CACNA1S: variants seen among roughly 807,000 people sequenced by gnomAD.
CACNA1S encodes the protein voltage-dependent L-type calcium channel subunit alpha-1S.
CACNA1S carries 126 observed loss-of-function variants against 207.4 expected under a neutral mutation model. That is an observed-to-expected ratio of 0.61 (90% CI 0.53 to 0.70). CACNA1S has a LOEUF of 0.70. Ranked by LOEUF, CACNA1S falls within the 30% of genes least tolerant of loss-of-function variation. CACNA1S has a pLI of 0.00. For missense variants in CACNA1S, 2,349 were observed against 2,422.8 expected (o/e 0.97, Z 0.64); for synonymous variants, 960 against 932.7 (o/e 1.03, Z -0.53).
chr1:201,097,831 T>A (rs1032465824), intron 2 of CACNA1S, among the ~76,000 whole-genome samples: 1 of 152,192 alleles, frequency 6.6e-6, no homozygotes, highest in South Asian at 2.1e-4. Context: ...GTGATTCTGA[T>A]GCCCTTCCCT....
At chr1:201,106,612 C>G (rs777377231) in intron 2 of CACNA1S, among the ~76,000 whole-genome samples, 3 of 152,180 alleles carry the variant, frequency 2.0e-5, no homozygotes, top group Non-Finnish European at 4.4e-5. Context: ...GCCCCTTTCT[C>G]AGCCTACTGT....
intron 5 of CACNA1S, 81 bp downstream of exon 5, chr1:201,091,559 C>T (rs1572061991): frequency 2.6e-6 from 4 of 1,511,458 alleles, no homozygotes; most frequent in Non-Finnish European, 3.7e-6. Context: ...GAGCTCCGGG[C>T]TCCTTCACCA....
intron 19 of CACNA1S, among the ~76,000 whole-genome samples, chr1:201,068,809 T>A (rs1379132303): frequency 6.6e-6 from 1 of 151,732 alleles, no homozygotes; most frequent in Non-Finnish European, 1.5e-5. Flanking sequence ...GAGGTGGAGG[T>A]TGCAGTGAGC....
intron 5 of CACNA1S, among the ~76,000 whole-genome samples, chr1:201,090,034 A>G (rs530555782): frequency 1.4e-4 from 21 of 152,332 alleles, no homozygotes; most frequent in African/African-American, 4.6e-4. Context: ...TTCTGATGAC[A>G]TCCTGCATCT....
chr1:201,044,932 G>T (rs1446574655), intron 38 of CACNA1S, among the ~76,000 whole-genome samples: 1 of 152,160 alleles, frequency 6.6e-6, no homozygotes, highest in African/African-American at 2.4e-5. Context: ...AGGCCACCAG[G>T]TCCTGCTCTG....
rs764407963 is a variant in CACNA1S at position 201,070,369 on chromosome 1, T to C, written c.2263A>G (p.Ser755Gly). ...TCAGCCAGGGGACGTGGTCGGGGGCTCAGCGGGATCTCAGGCTCATCTTCC... is the reference window on the plus strand; with the variant it reads ...TCAGCCAGGGGACGTGGTCGGGGGCCCAGCGGGATCTCAGGCTCATCTTCC... Reference protein sequence around the residue: ...DEEDEPEIPLSPRPRPLAELQ... With the variant: ...DEEDEPEIPLGPRPRPLAELQ... The change falls in exon 17 of 44, where the codon AGC becomes GGC. Residue 755 changes from serine (S) to glycine (G), a missense_variant. By Grantham distance (56) the Ser-to-Gly change is moderately conservative. Transcript: ENST00000362061. 1 of 1,614,062 alleles carries C rather than the reference T, an allele frequency of 6.2e-7. No homozygotes were observed. The highest frequency in any genetic ancestry group is 1.7e-5 in the Admixed American group (1 of 60,020).
Position 201,069,161 on chromosome 1 carries a change from G to A in CACNA1S, c.2526C>T (p.Val842=). 6.2e-7 allele frequency: 1 copy of A among 1,614,192 alleles called. No individual in the cohort carries two copies. Among genetic ancestry groups the A allele is most frequent in the Non-Finnish European group, 8.5e-7 (1 of 1,180,022 alleles). The change falls in exon 19 of 44, where the codon GTC becomes GTT. Residue 842 remains valine (V), a synonymous_variant. Coordinates refer to ENST00000362061, the MANE Select transcript of CACNA1S (RefSeq NM_000069.3). ...CCTTGAGGACAATCTCCACAGTGAAGACAGAGGTGAACCCGATGTCAAAGT... is the reference window on the plus strand; with the variant it reads ...CCTTGAGGACAATCTCCACAGTGAAAACAGAGGTGAACCCGATGTCAAAGT... The part of the protein sequence containing the change: ...LKHFDIGFTS[V]FTVEIVLKMT...
chr1:201,109,366 T>C (rs182939974), intron 2 of CACNA1S, among the ~76,000 whole-genome samples: 12 of 152,356 alleles, frequency 7.9e-5, no homozygotes, highest in Admixed American at 7.8e-4. Flanking sequence ...GTCTCCTTTG[T>C]CTTTTAAATG....
intron 39 of CACNA1S, among the ~76,000 whole-genome samples, chr1:201,043,829 T>C (rs1660382312): frequency 6.6e-6 from 1 of 152,078 alleles, no homozygotes; most frequent in South Asian, 2.1e-4. Flanking sequence ...CAGCACTGGG[T>C]TCTAGTCCCC....
At chr1:201,081,446 C>T (rs1414064372) in intron 10 of CACNA1S, among the ~76,000 whole-genome samples, 1 of 152,228 alleles carries the variant, frequency 6.6e-6, no homozygotes, top group Non-Finnish European at 1.5e-5. Flanking sequence ...TCCTACTCGT[C>T]TCACGGTCCA....
intron 2 of CACNA1S, among the ~76,000 whole-genome samples, chr1:201,096,563 C>T (rs1172650865): frequency 1.3e-5 from 2 of 152,328 alleles, no homozygotes; most frequent in East Asian, 1.9e-4. Flanking sequence ...CTGTGACACC[C>T]CCAAGCATCC....
At position 201,089,324 on chromosome 1, in the gene CACNA1S, G is replaced by C. The variant is rs148625301; in HGVS notation, c.834C>G (p.Phe278Leu). Residue 278 changes from phenylalanine (F) to leucine (L), a missense_variant, in exon 6 of 44, where the codon TTC becomes TTG. By Grantham distance (22) the Phe-to-Leu change is conservative. Coordinates refer to ENST00000362061, the MANE Select transcript of CACNA1S (RefSeq NM_000069.3). ...PNHGITHFDN[F>L]GFSMLTVYQC... The stretch of plus-strand genomic sequence containing the variant: ...GGTACACGGTGAGCATGGAGAAGCC[G>C]AAGTTGTCGAAGTGGGTGATGCCAT... 1 of 1,614,266 alleles carries C rather than the reference G, an allele frequency of 6.2e-7. No homozygotes were observed. Among genetic ancestry groups the C allele is most frequent in the Non-Finnish European group, 8.5e-7 (1 of 1,180,058 alleles).
At chr1:201,100,197 C>A (rs939063855) in intron 2 of CACNA1S, among the ~76,000 whole-genome samples, 1 of 152,252 alleles carries the variant, frequency 6.6e-6, no homozygotes, top group Non-Finnish European at 1.5e-5. Context: ...TTGCACACCT[C>A]AGTTGTGGAC....
At chr1:201,058,847 G>A (rs1558061016) in intron 27 of CACNA1S, among the ~76,000 whole-genome samples, 1 of 152,210 alleles carries the variant, frequency 6.6e-6, no homozygotes, top group Non-Finnish European at 1.5e-5. Flanking sequence ...TGACAGGGCT[G>A]TGCTGGGAAC....
chr1:201,047,498 A>G (rs747915997), intron 37 of CACNA1S, 27 bp downstream of exon 37: 1 of 1,576,326 alleles, frequency 6.3e-7, no homozygotes, highest in South Asian at 1.1e-5. Flanking sequence ...CTGCTTCTGG[A>G]CTCTGGTCCC....
intron 32 of CACNA1S, 149 bp from the exon 33 acceptor site, chr1:201,051,292 T>C: frequency 1.4e-6 from 1 of 739,958 alleles, no homozygotes. Context: ...GTTCACTGTG[T>C]AGCTCAGTGT....
chr1:201,092,845 A>G (rs1662288305), intron 3 of CACNA1S, among the ~76,000 whole-genome samples: 1 of 152,200 alleles, frequency 6.6e-6, no homozygotes, highest in South Asian at 2.1e-4. Flanking sequence ...CAGGTAACCA[A>G]CACCATCCTT....
intron 10 of CACNA1S, 45 bp downstream of exon 10, chr1:201,083,117 C>A: frequency 6.2e-7 from 1 of 1,609,948 alleles, no homozygotes; most frequent in Non-Finnish European, 8.5e-7. Context: ...CATCAAGCCA[C>A]AGCCACATGT....
At chr1:201,064,863 A>G (rs183443056) in intron 22 of CACNA1S, among the ~76,000 whole-genome samples, 1 of 152,388 alleles carries the variant, frequency 6.6e-6, no homozygotes, top group African/African-American at 2.4e-5. Flanking sequence ...ATGAACTCCC[A>G]GCCTTAGAGG....
Sources: allele counts gnomAD v4.1 joint callset (sites outside exome capture counted in the v4.1 genomes callset), GRCh38; gene constraint gnomAD v4.1.1; transcripts MANE v1.5; gene names NCBI Gene and HGNC (gene_info 2026-07-23, HGNC 2026-07-21).